The following SPDYC variants were observed in gnomAD, a reference collection of about 807,000 sequenced individuals.
The protein encoded by SPDYC is speedy/RINGO cell cycle regulator family member C.
Under a neutral mutation model 33.9 loss-of-function variants are expected in SPDYC, and 25 were observed. That is an observed-to-expected ratio of 0.74 (90% confidence interval 0.54 to 1.03). SPDYC has a LOEUF of 1.03. SPDYC is among the 50% of genes least tolerant of loss of function. The pLI is 0.00. For synonymous variants in SPDYC, 133 were observed against 140.2 expected, an observed-to-expected ratio of 0.95 and a Z score of 0.36; for missense variants, 349 against 382.9, an observed-to-expected ratio of 0.91 and a Z score of 0.74.
chr11:65,170,985 G>C (rs111611709), intron 1 of SPDYC, among the ~76,000 whole-genome samples: 1 of 152,222 alleles, frequency 6.6e-6, no homozygotes, highest in African/African-American at 2.4e-5. Context: ...CTCGTTTGAC[G>C]ACCGGTCTGA....
intron 6 of SPDYC, 46 bp from the exon 7 acceptor site, chr11:65,173,137 A>T: frequency 1.2e-6 from 2 of 1,611,376 alleles, no homozygotes; most frequent in Non-Finnish European, 1.7e-6. Flanking sequence ...CTCCCGTGTG[A>T]GCTTGGCAGG....
chr11:65,172,995 A>G, exon 6 of SPDYC: 1 of 1,613,854 alleles, frequency 6.2e-7, no homozygotes. Flanking sequence ...AACTGGAACC[A>G]GGCACCTACT....
chr11:65,171,247 T>G, intron 1 of SPDYC, 80 bp from the exon 2 acceptor site: 1 of 1,492,088 alleles, frequency 6.7e-7, no homozygotes, highest in Non-Finnish European at 9.0e-7. Context: ...CCCTCCACCG[T>G]CCTGGCCCCT....
chr11:65,172,537 C>T (rs1422661998), exon 5 of SPDYC: 7 of 1,574,524 alleles, frequency 4.4e-6, no homozygotes, highest in Non-Finnish European at 6.0e-6. Flanking sequence ...GAAATTCCTG[C>T]ACCAGAGGGA....
At chr11:65,170,318 C>T (rs1948417814) in intron 1 of SPDYC, 57 bp downstream of exon 1, 1 of 1,528,144 alleles carries the variant, frequency 6.5e-7, no homozygotes, top group Admixed American at 2.0e-5. Flanking sequence ...ATGGAGGGGC[C>T]CAGATTGGCC....
intron 6 of SPDYC, 78 bp downstream of exon 6, chr11:65,173,092 G>C (rs1948458719): frequency 6.3e-7 from 1 of 1,598,336 alleles, no homozygotes; most frequent in South Asian, 1.1e-5. Flanking sequence ...CAATATGAGA[G>C]AGAGGGCCAT....
intron 1 of SPDYC, among the ~76,000 whole-genome samples, 192 bp from the exon 2 acceptor site, chr11:65,171,135 C>T (rs1373945668): frequency 1.3e-5 from 2 of 151,924 alleles, no homozygotes; most frequent in African/African-American, 4.8e-5. Context: ...GTGAGGGTGC[C>T]ACACCCTCAC....
Position 65,170,367 on chromosome 11 carries a change from T to A in SPDYC, c.26+106T>A, listed in dbSNP as rs1948418456. On this transcript the variant is annotated intron_variant, in intron 1 of 6. Transcript: ENST00000377185. ...CCGCACGTTCTCCTCGGCCCCGTGG[T>A]TGGCTTCTCTCTCTCAGGGATGAGG... 2.5e-6 allele frequency: 3 copies of A among 1,189,938 alleles called. No individual in the cohort carries two copies. In the African/African-American group the frequency reaches 4.7e-5, roughly 19 times the overall value. The allele number at this position is 1,189,938 out of a possible 1,614,324, so 73.7% of individuals were successfully genotyped here. A position where few individuals can be genotyped will look rare whatever the true frequency, so the allele number is the denominator to read the frequency against.
At chr11:65,171,220 C>T (rs1948427691) in intron 1 of SPDYC, 107 bp from the exon 2 acceptor site, 2 of 1,266,076 alleles carry the variant, frequency 1.6e-6, no homozygotes, top group Admixed American at 2.6e-5. Context: ...TCTGAGCCCC[C>T]AAGTCTCTGC....
chr11:65,171,560 G>A lies in SPDYC; in HGVS notation c.199+61G>A, dbSNP rs1205816872. On this transcript the variant is annotated intron_variant, in intron 2 of 6. Transcript: ENST00000377185. ...GGTCAAGTGTGAAAGCAGATGTGAA[G>A]TGTGGGGTCTCACCTGCCTGTACAG... 2.8e-6 allele frequency: 4 copies of A among 1,442,006 alleles called. No individual in the cohort carries two copies. In the African/African-American group the frequency reaches 5.8e-5, roughly 21 times the overall value. 89.3% of individuals were successfully genotyped at this position (1,442,006 alleles called of 1,614,324 possible).
chr11:65,172,264 C>T, exon 4 of SPDYC: 1 of 1,614,198 alleles, frequency 6.2e-7, no homozygotes, highest in East Asian at 2.2e-5. Context: ...GGCCATGGTG[C>T]TGGTCTACTT....
exon 2 of SPDYC, chr11:65,171,356 A>G (rs1200923029): frequency 6.2e-7 from 1 of 1,612,686 alleles, no homozygotes; most frequent in Non-Finnish European, 8.5e-7. Flanking sequence ...ATCTCCTATG[A>G]GATGAGTGAC....
At chr11:65,170,610 T>TC (rs2137287352) in intron 1 of SPDYC, among the ~76,000 whole-genome samples, 1 of 151,736 alleles carries the variant, frequency 6.6e-6, no homozygotes, top group African/African-American at 2.4e-5. Context: ...TTTTTCTTTT[T>TC]TTTTGGCCAG....
At chr11:65,171,299 C>G (rs1403410907) in intron 1 of SPDYC, 28 bp from the exon 2 acceptor site, 2 of 1,589,190 alleles carry the variant, frequency 1.3e-6, no homozygotes, top group South Asian at 1.1e-5. Flanking sequence ...GGGGTACATG[C>G]TAAGTCCTGA....
chr11:65,170,457 A>AT (rs767643419), intron 1 of SPDYC, among the ~76,000 whole-genome samples, 196 bp downstream of exon 1: 1 of 151,726 alleles, frequency 6.6e-6, no homozygotes, highest in Non-Finnish European at 1.5e-5. Context: ...AAATCCAGGT[A>AT]TTTTTCTAAT....
At chr11:65,172,464 G>A in exon 5 of SPDYC, 1 of 1,590,908 alleles carries the variant, frequency 6.3e-7, no homozygotes, top group South Asian at 1.1e-5. Context: ...AGGAGGACCT[G>A]GAGGGCCCCA....
chr11:65,172,958 TTC>T lies in SPDYC; in HGVS notation c.794_795del (p.Leu265HisfsTer?). On this transcript the variant is annotated frameshift_variant, in exon 6 of 7. Transcript: ENST00000377185. LOFTEE classifies it high-confidence loss of function. The stretch of plus-strand genomic sequence containing the variant: ...GTCAAAAACGCCTGGGGTGGGGACT[TTC>T]TCATCGTCTTGCCTCCCCAGATGCA... 2 of 1,613,842 alleles carry T rather than the reference TTC, an allele frequency of 1.2e-6. No homozygotes were observed. Among genetic ancestry groups the T allele is most frequent in the South Asian group, 2.2e-5 (2 of 91,068 alleles).
intron 6 of SPDYC, 29 bp downstream of exon 6, chr11:65,173,043 G>T: frequency 6.2e-7 from 1 of 1,606,334 alleles, no homozygotes. Context: ...AGGAGCTGGG[G>T]GCTGGTGTGG....
At position 65,172,337 on chromosome 11, in the gene SPDYC, T is replaced by C; in HGVS notation, c.344+6T>C. The stretch of plus-strand genomic sequence containing the variant: ...AGCAGCCTGTTCTTGGCCCTGTGAG[T>C]GGTGGGGGCAGGCAGTGGAGGCATT... On this transcript the variant is annotated splice_donor_region_variant and intron_variant, in intron 4 of 6. Transcript: ENST00000377185. The C allele has an allele frequency of 5.0e-6, 8 of 1,613,558 alleles. No individual in the cohort carries two copies. Among genetic ancestry groups the C allele is most frequent in the Non-Finnish European group, 6.8e-6 (8 of 1,179,906 alleles).
Sources: gnomAD v4.1 joint callset for allele counts (sites outside exome capture counted in the v4.1 genomes callset) on GRCh38, gnomAD v4.1.1 for gene constraint, MANE v1.5 for transcripts, NCBI Gene and HGNC (gene_info 2026-07-23, HGNC 2026-07-21) for gene names.